The following RIF1 variants were observed in gnomAD, a reference collection of about 807,000 sequenced individuals.
RIF1 encodes telomere-associated protein RIF1.
Under a neutral mutation model 247.1 loss-of-function variants are expected in RIF1, and 45 were observed. The ratio of observed to expected loss-of-function variants is 0.18; its 90% CI spans 0.14 to 0.23. The LOEUF (loss-of-function observed/expected upper bound fraction) is 0.23, where lower values mean the gene tolerates loss of function less well. Among genes scored for constraint, RIF1 ranks in the 10% least tolerant of loss-of-function variants. The pLI, the probability that RIF1 is intolerant of heterozygous loss-of-function variation, is 1.00. For synonymous variants in RIF1, 1,087 were observed against 978.8 expected (o/e 1.11, Z -2.06); for missense variants, 2,967 against 2,862.5 (o/e 1.04, Z -0.83).
Position 151,441,966 on chromosome 2 carries a change from A to C in RIF1, c.1709A>C (p.Gln570Pro). 6.4e-7 allele frequency: 1 copy of C among 1,554,674 alleles called. No homozygotes were observed. The highest frequency in any genetic ancestry group is 8.8e-7 in the Non-Finnish European group (1 of 1,142,232). Residue 570 changes from glutamine to proline, a missense_variant, in exon 16 of 36, where the codon CAG becomes CCG. Gln to Pro is a moderately conservative substitution (Grantham distance 76, BLOSUM62 -1). This residue lies in a region of RIF1 where 369 missense variants were observed against 322.0 expected (regional missense o/e 1.15). Coordinates refer to ENST00000444746, the MANE Select transcript of RIF1 (RefSeq NM_018151.5). ...PQKVLGSPAY[Q>P]VANMDILNGT... ...AAAGTATTAGGTTCACCAGCATATC[A>C]GGTTGCTAATATGGATATTCTTAAT...
chr2:151,527,376 C>T, the RIF1 span: 1 of 975,942 alleles, frequency 1.0e-6, no homozygotes, highest in Non-Finnish European at 1.5e-6. Context: ...GGATCTCAAA[C>T]GAGCAAGGGT....
chr2:151,474,847 TC>T lies in RIF1; in HGVS notation c.7205-9del. The T allele has an allele frequency of 7.7e-6, 11 of 1,426,232 alleles. No individual in the cohort carries two copies. The highest frequency in any genetic ancestry group is 9.8e-6 in the Non-Finnish European group (10 of 1,022,842). The allele number at this position is 1,426,232 out of a possible 1,614,324, so 88.3% of individuals were successfully genotyped here. On this transcript the variant is annotated splice_polypyrimidine_tract_variant and intron_variant, in intron 35 of 35. Transcript: ENST00000444746. ...ATAGATTTAATTGTGGTTTTTTTTT[TC>T]TCTTTTAGATATAATTGATCCTGTT...
intron 13 of RIF1, among the ~76,000 whole-genome samples, chr2:151,507,393 G>A (rs2070047855): frequency 1.3e-5 from 2 of 152,184 alleles, no homozygotes; most frequent in Non-Finnish European, 2.9e-5. Context: ...GCAGAAGCAG[G>A]AGGGTTTTTC....
chr2:151,493,489 C>G (rs557288737), intron 9 of RIF1: 1 of 1,335,442 alleles, frequency 7.5e-7, no homozygotes, highest in East Asian at 2.3e-5. Flanking sequence ...CAGCAGAAAA[C>G]CAGGTCTGAA....
downstream of RIF1, chr2:151,486,198 T>C (rs970324659): frequency 1.7e-4 from 63 of 362,464 alleles, no homozygotes; most frequent in Non-Finnish European, 1.7e-4. Flanking sequence ...AGGATATGAA[T>C]AGACATTTCT....
In RIF1 at chr2:151,501,396, T is replaced by TAA. The variant is rs1553568357; in HGVS notation, c.*710-1636_*710-1635dup. Reference sequence around the variant, plus strand: ...AAGAGCTTTCTCCCAAATACCGAGCTAAAGTTTTCTTGATTGAGTTTGACT... The same window carrying TAA: ...AAGAGCTTTCTCCCAAATACCGAGCTAAAAAGTTTTCTTGATTGAGTTTGACT... On this transcript the variant is annotated intron_variant and NMD_transcript_variant, in intron 11 of 13. Coordinates refer to the RIF1 transcript ENST00000454583. The TAA allele has an allele frequency of 3.9e-6, 6 of 1,547,340 alleles. No homozygotes were observed. The highest frequency in any genetic ancestry group is 3.5e-6 in the Non-Finnish European group (4 of 1,143,530).
downstream of RIF1, among the ~76,000 whole-genome samples, chr2:151,511,089 C>G (rs369069068): frequency 6.6e-6 from 1 of 152,220 alleles, no homozygotes; most frequent in Admixed American, 6.5e-5. Context: ...CGTGATCCCA[C>G]ACTGGGATAG....
At chr2:151,415,907 T>C (rs1687146183) in intron 4 of RIF1, among the ~76,000 whole-genome samples, 2 of 152,108 alleles carry the variant, frequency 1.3e-5, no homozygotes, top group African/African-American at 2.4e-5. Context: ...TATTTAAACA[T>C]GATTGCTGTA....
intron 8 of RIF1, among the ~76,000 whole-genome samples, chr2:151,425,697 T>TA (rs1462026372): frequency 7.0e-6 from 1 of 143,586 alleles, no homozygotes; most frequent in Non-Finnish European, 1.5e-5. Context: ...GACAGAGTCT[T>TA]ACTCTGTTGC....
chr2:151,437,242 G>A lies in RIF1; in HGVS notation c.1374G>A (p.Glu458=), dbSNP rs1201367487. Residue 458 remains glutamate, a splice_region_variant and synonymous_variant, in exon 13 of 36, where the codon GAG becomes GAA. Coordinates refer to ENST00000444746, the MANE Select transcript of RIF1 (RefSeq NM_018151.5). Reference sequence around the variant, plus strand: ...TTATCTTTTATTCTTCCCTTTCAGAGCCATTGGAACATCCGTTAATCAGCA... The same window carrying A: ...TTATCTTTTATTCTTCCCTTTCAGAACCATTGGAACATCCGTTAATCAGCA... The part of the protein sequence containing the change: ...AKQNKLVLSL[E]PLEHPLISSP... The A allele has an allele frequency of 1.2e-6, 2 of 1,603,576 alleles. No homozygotes were observed. The highest frequency in any genetic ancestry group is 1.7e-6 in the Non-Finnish European group (2 of 1,170,758).
Position 151,440,072 on chromosome 2 carries a change from T to TAA in RIF1, c.1594_1595dup (p.Glu535TrpfsTer4). ...GGTTCTGAAGTTTTGACTCTCTTAT[T>TAA]AAAGTCTTTGGAAAGCATAGTAAAG... On this transcript the variant is annotated frameshift_variant, in exon 15 of 36. Coordinates refer to ENST00000444746, the MANE Select transcript of RIF1 (RefSeq NM_018151.5). LOFTEE classifies it high-confidence loss of function. 6.2e-7 allele frequency: 1 copy of TAA among 1,602,172 alleles called. No individual in the cohort carries two copies. Among genetic ancestry groups the TAA allele is most frequent in the Non-Finnish European group, 8.5e-7 (1 of 1,174,296 alleles).
intron 8 of RIF1, among the ~76,000 whole-genome samples, chr2:151,427,822 T>C (rs1689392349): frequency 1.3e-5 from 2 of 151,948 alleles, no homozygotes; most frequent in African/African-American, 4.8e-5. Context: ...CCCAGCACTT[T>C]GGGAGGCCGA....
intron 15 of RIF1, 26 bp downstream of exon 15, chr2:151,440,153 CT>C (rs1574001568): frequency 8.4e-7 from 1 of 1,184,860 alleles, no homozygotes; most frequent in Non-Finnish European, 1.2e-6. Flanking sequence ...GTATGTTGGA[CT>C]TTAAAAACCA....
intron 9 of RIF1, chr2:151,494,288 GAA>G (rs778555481): frequency 4.3e-6 from 6 of 1,404,868 alleles, no homozygotes; most frequent in Middle Eastern, 1.7e-4. Context: ...AAGCCAAAAA[GAA>G]AAAGAGTTAA....
At chr2:151,503,022 C>T (rs952606364) in intron 11 of RIF1, 7 of 614,700 alleles carry the variant, frequency 1.1e-5, no homozygotes, top group South Asian at 2.1e-5. Context: ...AATGTTTTTA[C>T]TTTTTTCACA....
chr2:151,456,478 T>C, intron 22 of RIF1, 100 bp from the exon 23 acceptor site: 1 of 661,738 alleles, frequency 1.5e-6, no homozygotes, highest in Non-Finnish European at 2.6e-6. Context: ...TCAATTTATA[T>C]TTATTATGTC....
chr2:151,447,176 C>T (rs891468454), intron 20 of RIF1, among the ~76,000 whole-genome samples: 2 of 152,086 alleles, frequency 1.3e-5, no homozygotes, highest in African/African-American at 2.4e-5. Flanking sequence ...ATCTCCTGAC[C>T]TCGTGATCCG....
At chr2:151,469,311 G>C (rs1697436677) in intron 33 of RIF1, among the ~76,000 whole-genome samples, 1 of 152,142 alleles carries the variant, frequency 6.6e-6, no homozygotes, top group Admixed American at 6.5e-5. Context: ...GAATTATCAA[G>C]CTGCCCTGTC....
At chr2:151,516,348 G>C in the RIF1 span, 1 of 655,840 alleles carries the variant, frequency 1.5e-6, no homozygotes. Context: ...ATGATAAAAA[G>C]TTTCATCAGC....
Sources: allele counts gnomAD v4.1 joint callset (sites outside exome capture counted in the v4.1 genomes callset), GRCh38; gene constraint gnomAD v4.1.1; regional missense constraint gnomAD v4.1.1; transcripts MANE v1.5; gene names NCBI Gene and HGNC (gene_info 2026-07-23, HGNC 2026-07-21).